ADAMTSL3: variants seen among roughly 807,000 people sequenced by gnomAD.
ADAMTSL3 encodes the protein ADAMTS like 3.
In ADAMTSL3, 128 loss-of-function variants were observed where a neutral mutation model predicts 201.7. The ratio of observed to expected loss-of-function variants is 0.63; its 90% CI spans 0.55 to 0.73. ADAMTSL3 has a LOEUF of 0.73. ADAMTSL3 is among the 30% of genes least tolerant of loss of function. The pLI is 0.00. For synonymous variants in ADAMTSL3, 738 were observed against 748.4 expected (o/e 0.99, Z 0.23); for missense variants, 1,990 against 2,119.6 (o/e 0.94, Z 1.20).
chr15:83,839,989 A>T (rs2064344152), intron 7 of ADAMTSL3, among the ~76,000 whole-genome samples: 1 of 152,160 alleles, frequency 6.6e-6, no homozygotes, highest in South Asian at 2.1e-4. Context: ...TTTATCTGAA[A>T]CATGCTAGGT....
intron 3 of ADAMTSL3, among the ~76,000 whole-genome samples, chr15:83,709,683 C>T (rs2141525641): frequency 6.6e-6 from 1 of 152,284 alleles, no homozygotes; most frequent in South Asian, 2.1e-4. Context: ...CACTGAAAGC[C>T]TGTGACAAGC....
At chr15:83,694,565 G>A (rs2061654860) in intron 2 of ADAMTSL3, among the ~76,000 whole-genome samples, 1 of 152,194 alleles carries the variant, frequency 6.6e-6, no homozygotes, top group Non-Finnish European at 1.5e-5. Context: ...CTTGAAAAAT[G>A]GACTCTTAAG....
At chr15:83,706,955 C>T (rs2061861335) in intron 3 of ADAMTSL3, among the ~76,000 whole-genome samples, 1 of 152,150 alleles carries the variant, frequency 6.6e-6, no homozygotes, top group Non-Finnish European at 1.5e-5. Flanking sequence ...AGGTGTGAGC[C>T]ACTGCGCCTG....
intron 4 of ADAMTSL3, among the ~76,000 whole-genome samples, chr15:83,778,719 A>G: frequency 6.6e-6 from 1 of 152,222 alleles, no homozygotes; most frequent in East Asian, 1.9e-4. Flanking sequence ...CAAGTCTGCA[A>G]AATAACCAGC....
At chr15:83,890,393 TG>T in intron 11 of ADAMTSL3, 146 bp downstream of exon 11, 1 of 1,019,796 alleles carries the variant, frequency 9.8e-7, no homozygotes, top group African/African-American at 1.6e-5. Context: ...TTTGTAACTA[TG>T]GTGCATAGGA....
At chr15:83,904,217 C>T (rs2065791720) in intron 15 of ADAMTSL3, among the ~76,000 whole-genome samples, 1 of 151,926 alleles carries the variant, frequency 6.6e-6, no homozygotes, top group South Asian at 2.1e-4. Context: ...GGTCGCTCTG[C>T]AATTTTCCTG....
intron 19 of ADAMTSL3, among the ~76,000 whole-genome samples, chr15:83,954,351 A>G (rs2066814514): frequency 6.6e-6 from 1 of 152,140 alleles, no homozygotes; most frequent in Non-Finnish European, 1.5e-5. Flanking sequence ...TGTCAATTGT[A>G]TTTTTTAAAT....
chr15:83,886,534 C>G (rs1165517291), intron 10 of ADAMTSL3, among the ~76,000 whole-genome samples: 5 of 152,124 alleles, frequency 3.3e-5, no homozygotes, highest in Non-Finnish European at 7.4e-5. Flanking sequence ...ATGTCAGAGT[C>G]ATGCTCTAAA....
chr15:83,911,563 T>C (rs768480935), intron 15 of ADAMTSL3, among the ~76,000 whole-genome samples: 11 of 152,004 alleles, frequency 7.2e-5, no homozygotes, highest in Non-Finnish European at 1.3e-4. Flanking sequence ...TCCTGGGGAG[T>C]TGAGCAAGCC....
At chr15:83,766,038 A>C (rs929641442) in intron 3 of ADAMTSL3, among the ~76,000 whole-genome samples, 1 of 152,072 alleles carries the variant, frequency 6.6e-6, no homozygotes, top group Admixed American at 6.6e-5. Context: ...CATGTAACCT[A>C]TCATACGGAA....
chr15:83,743,519 C>CAAAAAAAAA (rs759218799), intron 3 of ADAMTSL3, among the ~76,000 whole-genome samples: 2 of 57,098 alleles, frequency 3.5e-5, no homozygotes, highest in African/African-American at 1.2e-4. Context: ...GACTCCGTCT[C>CAAAAAAAAA]AAAAAAAAAA....
intron 3 of ADAMTSL3, among the ~76,000 whole-genome samples, chr15:83,744,360 C>G (rs533412238): frequency 9.2e-5 from 14 of 152,252 alleles, no homozygotes; most frequent in African/African-American, 3.4e-4. Context: ...CTCATTCTCA[C>G]TCTGTGTAAA....
intron 23 of ADAMTSL3, among the ~76,000 whole-genome samples, chr15:84,011,521 G>A (rs1048928199): frequency 2.0e-5 from 3 of 152,166 alleles, no homozygotes; most frequent in African/African-American, 4.8e-5. Context: ...AGATCAAGAT[G>A]TGGTGGGGAG....
chr15:83,751,053 A>T (rs1305179597), intron 3 of ADAMTSL3, among the ~76,000 whole-genome samples: 2 of 152,220 alleles, frequency 1.3e-5, no homozygotes, highest in South Asian at 2.1e-4. Flanking sequence ...GTAAAACAAG[A>T]TCAAATCCCA....
chr15:84,002,555 TC>T (rs2067810517), intron 23 of ADAMTSL3, among the ~76,000 whole-genome samples: 1 of 152,086 alleles, frequency 6.6e-6, no homozygotes, highest in East Asian at 1.9e-4. Context: ...CCATTCCCTA[TC>T]CTCCAAACAA....
At chr15:83,681,791 G>A (rs989089952) in intron 2 of ADAMTSL3, among the ~76,000 whole-genome samples, 17 of 152,066 alleles carry the variant, frequency 1.1e-4, no homozygotes, top group Non-Finnish European at 1.8e-4. Context: ...AGGTGTTCCC[G>A]TCTCCCCTGT....
intron 4 of ADAMTSL3, among the ~76,000 whole-genome samples, chr15:83,802,570 A>G (rs1360239205): frequency 1.3e-5 from 2 of 152,362 alleles, no homozygotes; most frequent in African/African-American, 2.4e-5. Context: ...ATTTTCAAGT[A>G]TATTATGCTA....
chr15:83,778,154 C>T (rs767253751), intron 4 of ADAMTSL3, among the ~76,000 whole-genome samples: 5 of 152,040 alleles, frequency 3.3e-5, no homozygotes, highest in Non-Finnish European at 7.4e-5. Flanking sequence ...ACTGGTGTCC[C>T]TGAAAAAGAG....
intron 2 of ADAMTSL3, among the ~76,000 whole-genome samples, chr15:83,678,812 A>ATATTT (rs71156091): frequency 2.8e-5 from 4 of 142,112 alleles, no homozygotes; most frequent in African/African-American, 5.1e-5. Context: ...ATATTTATAT[A>ATATTT]ATATAAAATA....
Sources: gnomAD v4.1 joint callset for allele counts (sites outside exome capture counted in the v4.1 genomes callset) on GRCh38, gnomAD v4.1.1 for gene constraint, MANE v1.5 for transcripts, NCBI Gene and HGNC (gene_info 2026-07-23, HGNC 2026-07-21) for gene names.